The following ATRX variants were observed in gnomAD, a reference collection of about 807,000 sequenced individuals.
ATRX encodes the protein chromatin remodeler ATRX.
ATRX carries 12 observed loss-of-function variants against 172.6 expected under a neutral mutation model. That is an observed-to-expected ratio of 0.07 (90% CI 0.04 to 0.11). The LOEUF is 0.11. Among genes scored for constraint, ATRX ranks in the 10% least tolerant of loss-of-function variants. The pLI is 1.00. For synonymous variants in ATRX, 674 were observed against 594.7 expected (o/e 1.13, Z -1.94); for missense variants, 1,368 against 1,767.4 (o/e 0.77, Z 4.05).
At chrX:77,549,982 A>T (rs1270803045) in intron 30 of ATRX, among the ~76,000 whole-genome samples, 1 of 112,098 alleles carries the variant, frequency 8.9e-6, no homozygotes, top group Non-Finnish European at 1.9e-5. Flanking sequence ...AATGAAATGA[A>T]ATGAAATAAA....
chrX:77,681,734 A>G lies in ATRX; in HGVS notation c.3522T>C (p.Ser1174=). ...CCTTGACAATGACTGCCTTCTTTTT[A>G]GATGAAGTTCTTTGCTTCTTCTTTT... ...DNKKKKQRTS[S]KKKAVIVKEK... Residue 1174 remains serine, a synonymous_variant, in exon 9 of 35, where the codon TCT becomes TCC. Coordinates refer to ENST00000373344, the MANE Select transcript of ATRX (RefSeq NM_000489.6). The G allele has an allele frequency of 8.3e-7, 1 of 1,205,899 alleles. No individual in the cohort carries two copies. Among genetic ancestry groups the G allele is most frequent in the South Asian group, 1.8e-5 (1 of 54,996 alleles).
chrX:77,707,912 A>G (rs927002289), intron 2 of ATRX, among the ~76,000 whole-genome samples: 3 of 112,524 alleles, frequency 2.7e-5, no homozygotes, highest in African/African-American at 9.7e-5. Context: ...GGCTAGAATC[A>G]AAAAGTCTGT....
At chrX:77,663,002 T>A (rs782052084) in intron 12 of ATRX, among the ~76,000 whole-genome samples, 1 of 112,251 alleles carries the variant, frequency 8.9e-6, no homozygotes, top group South Asian at 3.7e-4. Flanking sequence ...GCCATACACT[T>A]AAATTTCATT....
intron 30 of ATRX, among the ~76,000 whole-genome samples, chrX:77,550,459 C>T (rs782436364): frequency 2.0e-4 from 22 of 111,351 alleles, no homozygotes; most frequent in African/African-American, 6.2e-4. Context: ...ATTGATGGGA[C>T]GTATCTCAAA....
chrX:77,744,785 C>T (rs1338981372), intron 1 of ATRX, among the ~76,000 whole-genome samples: 1 of 110,603 alleles, frequency 9.0e-6, no homozygotes, highest in Non-Finnish European at 1.9e-5. Context: ...TCGAGGAGTT[C>T]GAGACCAGTC....
chrX:77,608,613 AATACC>A (rs1385448139), intron 22 of ATRX, among the ~76,000 whole-genome samples: 2 of 111,602 alleles, frequency 1.8e-5, no homozygotes, highest in Non-Finnish European at 3.8e-5. Context: ...ACTTAAATCT[AATACC>A]TTAAACTATG....
At position 77,683,768 on chromosome X, in the gene ATRX, A is replaced by G. The variant is rs2148621412; in HGVS notation, c.1488T>C (p.Ser496=). Residue 496 remains serine (S), a synonymous_variant, in exon 9 of 35, where the codon TCT becomes TCC. Coordinates refer to ENST00000373344, the MANE Select transcript of ATRX (RefSeq NM_000489.6). ...CATATTGAGGTTCTTCTTTTCTATC[A>G]GATTTCTTATGTTCACCACCGGTAC... is the stretch of plus-strand genomic sequence containing the variant. ...NKSTGGEHKK[S]DRKEEPQYEP... 2 of 1,210,317 alleles carry G rather than the reference A, an allele frequency of 1.7e-6. No individual in the cohort carries two copies. The highest frequency in any genetic ancestry group is 2.2e-6 in the Non-Finnish European group (2 of 894,378).
chrX:77,575,336 T>C (rs3027541), intron 27 of ATRX, among the ~76,000 whole-genome samples: 13 of 109,784 alleles, frequency 1.2e-4, no homozygotes, highest in African/African-American at 4.3e-4. Context: ...TTAATGCTTA[T>C]GAAAGTCATT....
intron 33 of ATRX, 179 bp from the exon 34 acceptor site, chrX:77,521,095 G>A (rs1456194528): frequency 4.3e-6 from 2 of 461,936 alleles, no homozygotes; most frequent in African/African-American, 4.9e-5. Flanking sequence ...TACCTGGGCT[G>A]GCTATCTCTG....
intron 30 of ATRX, among the ~76,000 whole-genome samples, chrX:77,540,785 C>T (rs1212469910): frequency 1.8e-5 from 2 of 111,671 alleles, no homozygotes; most frequent in African/African-American, 6.5e-5. Context: ...AAAGATACAA[C>T]GTATCAAAAT....
intron 34 of ATRX, among the ~76,000 whole-genome samples, chrX:77,510,616 A>G (rs183115668): frequency 1.3e-4 from 15 of 111,585 alleles, no homozygotes; most frequent in South Asian, 3.8e-4. Flanking sequence ...CTGACTGAAG[A>G]GCCCTTGGGC....
intron 1 of ATRX, among the ~76,000 whole-genome samples, chrX:77,747,720 G>A (rs2075137610): frequency 9.0e-6 from 1 of 111,048 alleles, no homozygotes; most frequent in African/African-American, 3.3e-5. Context: ...GCAGCCCAGG[G>A]GTAATCTAGG....
At position 77,599,348 on chromosome X, in the gene ATRX, A is replaced by T. The variant is rs1557085661; in HGVS notation, c.5956+63T>A. Reference sequence around the variant, plus strand: ...AGTCAGGTAAGTGACTGAAAAAAGGACTAACGACATGACATTTTCCAAATT... The same window carrying T: ...AGTCAGGTAAGTGACTGAAAAAAGGTCTAACGACATGACATTTTCCAAATT... On this transcript the variant is annotated intron_variant, in intron 25 of 34. Coordinates refer to ENST00000373344, the MANE Select transcript of ATRX (RefSeq NM_000489.6). 3 of 1,152,961 alleles carry T rather than the reference A, an allele frequency of 2.6e-6. No individual in the cohort carries two copies. In the African/African-American group the frequency reaches 5.4e-5, roughly 21 times the overall value.
intron 12 of ATRX, among the ~76,000 whole-genome samples, chrX:77,660,932 C>T (rs1214245700): frequency 8.9e-6 from 1 of 112,094 alleles, no homozygotes; most frequent in African/African-American, 3.2e-5. Context: ...GAAGACCTAA[C>T]AATTCAACCT....
At chrX:77,687,152 CAAAAAAAAAAAAA>C (rs146268162) in intron 7 of ATRX, among the ~76,000 whole-genome samples, 7 of 39,370 alleles carry the variant, frequency 1.8e-4, no homozygotes, top group South Asian at 3.0e-3. Flanking sequence ...GACTCCGTCT[CAAAAAAAAAAAAA>C]AAAAAAAAAA....
At chrX:77,603,035 TA>T (rs1177649105) in intron 22 of ATRX, among the ~76,000 whole-genome samples, 26 of 109,409 alleles carry the variant, frequency 2.4e-4, no homozygotes, top group Non-Finnish European at 5.0e-4. Context: ...CTCAAATAAA[TA>T]AAATAGACAT....
chrX:77,523,248 C>G lies in ATRX; in HGVS notation c.6849+4G>C, dbSNP rs781807765. The G allele has an allele frequency of 8.3e-7, 1 of 1,208,832 alleles. No homozygotes were observed. Among genetic ancestry groups the G allele is most frequent in the South Asian group, 1.8e-5 (1 of 56,722 alleles). On this transcript the variant is annotated splice_donor_region_variant and intron_variant, in intron 31 of 34. Coordinates refer to ENST00000373344, the MANE Select transcript of ATRX (RefSeq NM_000489.6). ...AAAACAAAAACACATTTTGCATCAA[C>G]TACCTTCTTCTCTGCTTCATACTCA...
chrX:77,770,155 T>A (rs1457454436), intron 1 of ATRX, among the ~76,000 whole-genome samples: 5 of 109,024 alleles, frequency 4.6e-5, no homozygotes, highest in African/African-American at 1.3e-4. Flanking sequence ...CAGGCTGAAG[T>A]GCAGTGGCAC....
chrX:77,700,508 T>C (rs1422696722), intron 2 of ATRX, among the ~76,000 whole-genome samples: 1 of 112,411 alleles, frequency 8.9e-6, no homozygotes, highest in East Asian at 2.8e-4. Context: ...GCTGAAAACA[T>C]ACATCCACAA....
Sources: gnomAD v4.1 joint callset for allele counts (sites outside exome capture counted in the v4.1 genomes callset) on GRCh38, gnomAD v4.1.1 for gene constraint, MANE v1.5 for transcripts, NCBI Gene and HGNC (gene_info 2026-07-23, HGNC 2026-07-21) for gene names.